AUTS2: variants seen among roughly 807,000 people sequenced by gnomAD.
The protein encoded by AUTS2 is activator of transcription and developmental regulator AUTS2.
In AUTS2, 17 loss-of-function variants were observed where a neutral mutation model predicts 112.4. The ratio of observed to expected loss-of-function variants is 0.15; its 90% CI spans 0.10 to 0.23. AUTS2 has a LOEUF of 0.23. Among genes scored for constraint, AUTS2 ranks in the 10% least tolerant of loss-of-function variants. The pLI is 1.00. For synonymous variants in AUTS2, 751 were observed against 702.7 expected (o/e 1.07, Z -1.09); for missense variants, 1,510 against 1,701.6 (o/e 0.89, Z 1.98).
intron 2 of AUTS2, among the ~76,000 whole-genome samples, chr7:70,071,394 C>G (rs1271053084): frequency 1.3e-5 from 2 of 152,142 alleles, no homozygotes; most frequent in African/African-American, 4.8e-5. Context: ...TTGAATGTAC[C>G]TTTTTGGCTC....
At chr7:70,085,096 C>T (rs887135385) in intron 2 of AUTS2, among the ~76,000 whole-genome samples, 1 of 152,052 alleles carries the variant, frequency 6.6e-6, no homozygotes, top group Admixed American at 6.5e-5. Flanking sequence ...TGGCTGTTCT[C>T]GAACTTCTGA....
intron 2 of AUTS2, among the ~76,000 whole-genome samples, chr7:70,094,027 A>G (rs1425537610): frequency 6.6e-6 from 1 of 152,164 alleles, no homozygotes; most frequent in Non-Finnish European, 1.5e-5. Flanking sequence ...TCTGTTAGGA[A>G]AGCATGTATT....
At chr7:69,779,650 C>A (rs1043670674) in intron 1 of AUTS2, among the ~76,000 whole-genome samples, 1 of 151,446 alleles carries the variant, frequency 6.6e-6, no homozygotes. Flanking sequence ...ATAATCCCAG[C>A]TACTCAGGAG....
intron 5 of AUTS2, among the ~76,000 whole-genome samples, chr7:70,559,736 A>G (rs1801400222): frequency 6.6e-6 from 1 of 152,180 alleles, no homozygotes; most frequent in African/African-American, 2.4e-5. Context: ...TGACATGAGC[A>G]GCTCATCTGA....
At chr7:70,178,189 T>C (rs1035562127) in intron 4 of AUTS2, among the ~76,000 whole-genome samples, 1 of 152,198 alleles carries the variant, frequency 6.6e-6, no homozygotes, top group African/African-American at 2.4e-5. Flanking sequence ...CATGATGTCC[T>C]TTAGCCCCGT....
chr7:70,613,814 C>T (rs964201329), intron 5 of AUTS2, among the ~76,000 whole-genome samples: 2 of 152,202 alleles, frequency 1.3e-5, no homozygotes, highest in Non-Finnish European at 2.9e-5. Flanking sequence ...CCAGACAGGG[C>T]GACATGACTA....
chr7:70,377,355 T>TATATATAGTG lies in AUTS2; in HGVS notation c.661-58390_661-58389insGTGATATATA, dbSNP rs1554384475. The stretch of plus-strand genomic sequence containing the variant: ...ATATATATATATATATATATATATA[T>TATATATAGTG]ATATATATATATATATATAGTGATA... On this transcript the variant is annotated intron_variant, in intron 4 of 18. Coordinates refer to ENST00000342771, the MANE Select transcript of AUTS2 (RefSeq NM_015570.4). Among the ~76,000 whole-genome samples, 24 of 116,304 alleles carry TATATATAGTG rather than the reference T, an allele frequency of 2.1e-4. No homozygotes were observed. In the South Asian group the frequency reaches 3.9e-3, roughly 19 times the overall value. 76.3% of individuals were successfully genotyped at this position (116,304 alleles called of 152,430 possible).
chr7:70,263,858 A>G (rs779389267), intron 4 of AUTS2, among the ~76,000 whole-genome samples: 8 of 152,226 alleles, frequency 5.3e-5, no homozygotes, highest in Non-Finnish European at 8.8e-5. Context: ...GAGAAAGCTA[A>G]TATGACTCTA....
intron 6 of AUTS2, among the ~76,000 whole-genome samples, chr7:70,757,493 T>G (rs2129556187): frequency 6.6e-6 from 1 of 152,312 alleles, no homozygotes; most frequent in South Asian, 2.1e-4. Flanking sequence ...TTCTTAAAGG[T>G]TTGGCCAACA....
intron 5 of AUTS2, among the ~76,000 whole-genome samples, chr7:70,463,298 A>T (rs1316387251): frequency 6.6e-6 from 1 of 152,228 alleles, no homozygotes; most frequent in Non-Finnish European, 1.5e-5. Context: ...AGAAAACCCT[A>T]GCAGAAAGTA....
rs564268781 is a variant in AUTS2, at chr7:70,544,014, G to A, written c.690+108233G>A. Among the ~76,000 whole-genome samples the A allele has an allele frequency of 5.0e-3, 763 of 152,314 alleles. 3 individuals are homozygous for A. Among genetic ancestry groups the A allele is most frequent in the Non-Finnish European group, 7.7e-3 (527 of 68,028 alleles). On this transcript the variant is annotated intron_variant, in intron 5 of 18. Transcript: ENST00000342771. The stretch of plus-strand genomic sequence containing the variant: ...AAATGGATTTAATAGAGGCAGGGAA[G>A]CTGGGATGTCTGCCCCAGTAAGCAG...
At chr7:69,775,828 G>A (rs1358630064) in intron 1 of AUTS2, among the ~76,000 whole-genome samples, 1 of 152,146 alleles carries the variant, frequency 6.6e-6, no homozygotes, top group African/African-American at 2.4e-5. Context: ...AGTTTTGAGT[G>A]GGTGTCAGAA....
At chr7:70,354,922 A>T (rs1791923854) in intron 4 of AUTS2, among the ~76,000 whole-genome samples, 1 of 151,860 alleles carries the variant, frequency 6.6e-6, no homozygotes, top group Non-Finnish European at 1.5e-5. Flanking sequence ...AATTTCCTGT[A>T]CTGCTTGCCT....
intron 6 of AUTS2, among the ~76,000 whole-genome samples, chr7:70,729,761 TGAGAA>T (rs1466197258): frequency 6.6e-6 from 1 of 152,168 alleles, no homozygotes; most frequent in East Asian, 1.9e-4. Context: ...GATAAGAGGT[TGAGAA>T]GTTGTTGTAA....
At chr7:70,552,822 G>A (rs1216037736) in intron 5 of AUTS2, among the ~76,000 whole-genome samples, 1 of 152,182 alleles carries the variant, frequency 6.6e-6, no homozygotes, top group African/African-American at 2.4e-5. Context: ...AGTAGTTTCA[G>A]CCATATTGTC....
At chr7:70,472,445 C>CT (rs1797426952) in intron 5 of AUTS2, among the ~76,000 whole-genome samples, 6 of 150,614 alleles carry the variant, frequency 4.0e-5, no homozygotes, top group Non-Finnish European at 8.9e-5. Flanking sequence ...CTTTCTAAAG[C>CT]CAAGAGCTCT....
intron 5 of AUTS2, among the ~76,000 whole-genome samples, chr7:70,662,276 T>C (rs1364735883): frequency 1.3e-5 from 2 of 152,176 alleles, no homozygotes; most frequent in African/African-American, 4.8e-5. Flanking sequence ...GAAAAGTAGG[T>C]AGACTCGTAA....
chr7:70,622,345 G>C lies in AUTS2; in HGVS notation c.691-76224G>C, dbSNP rs570600787. On this transcript the variant is annotated intron_variant, in intron 5 of 18. Transcript: ENST00000342771. ...TCCTGGACTTTCACCTCATCCTGCC[G>C]TCTAGACCTGGCATCTGTTTTGGTC... Among the ~76,000 whole-genome samples the C allele has an allele frequency of 2.1e-4, 32 of 152,160 alleles. No individual in the cohort carries two copies. In the South Asian group the frequency reaches 3.1e-3, roughly 15 times the overall value.
Position 70,601,613 on chromosome 7 carries a change from G to A in AUTS2, c.691-96956G>A, listed in dbSNP as rs545062306. Among the ~76,000 whole-genome samples the A allele has an allele frequency of 3.9e-5, 6 of 152,128 alleles. No individual in the cohort carries two copies. The South Asian group carries it at 1.2e-3, about 32-fold the overall frequency. ...CGGTGTGACTTGCTAGGATAGAGTG[G>A]TGTGTGTCAGGGATGTGGCGGCTGC... On this transcript the variant is annotated intron_variant, in intron 5 of 18. Transcript: ENST00000342771.
Sources: allele counts gnomAD v4.1 joint callset (sites outside exome capture counted in the v4.1 genomes callset), GRCh38; gene constraint gnomAD v4.1.1; transcripts MANE v1.5; gene names NCBI Gene and HGNC (gene_info 2026-07-23, HGNC 2026-07-21).